SLC35F1: variants seen among roughly 807,000 people sequenced by gnomAD.
The protein encoded by SLC35F1 is chromosome 6 open reading frame 169.
SLC35F1 carries 14 observed loss-of-function variants against 48.7 expected under a neutral mutation model. The observed-to-expected ratio is 0.29, with a 90% confidence interval of 0.19 to 0.45. The LOEUF is 0.45. Among genes scored for constraint, SLC35F1 ranks in the 20% least tolerant of loss-of-function variants. The probability of loss-of-function intolerance (pLI) is 1.00; values close to 1 mark genes in which losing one functional copy is unlikely to be tolerated. For synonymous variants in SLC35F1, 190 were observed against 202.2 expected (o/e 0.94, Z 0.51); for missense variants, 404 against 500.0 (o/e 0.81, Z 1.83).
chr6:118,161,346 T>A (rs1774230161), intron 2 of SLC35F1, among the ~76,000 whole-genome samples: 1 of 151,978 alleles, frequency 6.6e-6, no homozygotes, highest in African/African-American at 2.4e-5. Context: ...GACCTAGGAT[T>A]TTCTCAGAGC....
intron 1 of SLC35F1, among the ~76,000 whole-genome samples, chr6:118,051,887 T>C (rs557252662): frequency 8.5e-5 from 13 of 152,300 alleles, no homozygotes; most frequent in African/African-American, 3.1e-4. Flanking sequence ...CTTAATACAG[T>C]GCCAGAAGAA....
intron 2 of SLC35F1, among the ~76,000 whole-genome samples, chr6:118,156,230 G>A (rs1374030811): frequency 2.7e-5 from 4 of 150,782 alleles, no homozygotes; most frequent in African/African-American, 9.7e-5. Context: ...TTATCTAAGT[G>A]TCAAAAAAAA....
chr6:118,162,766 C>T (rs535890266), intron 2 of SLC35F1, among the ~76,000 whole-genome samples: 6 of 152,236 alleles, frequency 3.9e-5, no homozygotes, highest in Non-Finnish European at 7.4e-5. Flanking sequence ...CATCAAGGAA[C>T]TTGCTAGTGT....
chr6:117,960,508 T>G (rs1276705007), intron 1 of SLC35F1, among the ~76,000 whole-genome samples: 1 of 152,088 alleles, frequency 6.6e-6, no homozygotes, highest in East Asian at 1.9e-4. Flanking sequence ...ATGTATTTCA[T>G]GTTAAAATAA....
At chr6:117,912,863 A>G (rs992710276) in intron 1 of SLC35F1, among the ~76,000 whole-genome samples, 2 of 152,210 alleles carry the variant, frequency 1.3e-5, no homozygotes, top group Non-Finnish European at 2.9e-5. Context: ...ATTAACGTGT[A>G]TTAAAATATA....
chr6:118,032,801 T>C (rs1387662685), intron 1 of SLC35F1, among the ~76,000 whole-genome samples: 1 of 152,246 alleles, frequency 6.6e-6, no homozygotes, highest in Admixed American at 6.5e-5. Flanking sequence ...ACTTATTTAA[T>C]ACCTTTCATG....
intron 1 of SLC35F1, among the ~76,000 whole-genome samples, chr6:117,912,078 C>T (rs979003695): frequency 3.5e-4 from 54 of 152,128 alleles, no homozygotes; most frequent in African/African-American, 1.2e-3. Context: ...TGTTTTGATA[C>T]ACTTTCTTCC....
At chr6:118,071,025 T>A (rs373999274) in intron 1 of SLC35F1, among the ~76,000 whole-genome samples, 6 of 38,824 alleles carry the variant, frequency 1.5e-4, no homozygotes, top group South Asian at 8.3e-4. Context: ...GTATATATAT[T>A]CTACGTGTAT....
At chr6:118,178,044 T>C (rs148560611) in intron 2 of SLC35F1, among the ~76,000 whole-genome samples, 76 of 152,234 alleles carry the variant, frequency 5.0e-4, no homozygotes, top group African/African-American at 1.8e-3. Flanking sequence ...ACTCCTACAA[T>C]AGCAGCTTTC....
intron 2 of SLC35F1, among the ~76,000 whole-genome samples, chr6:118,227,718 AAAAAC>A (rs753809983): frequency 6.6e-5 from 10 of 152,316 alleles, no homozygotes; most frequent in African/African-American, 2.4e-4. Flanking sequence ...TAGGGTGGGC[AAAAAC>A]AAAACAAAAC....
chr6:118,129,861 A>G (rs1271049424), intron 1 of SLC35F1, among the ~76,000 whole-genome samples: 1 of 152,200 alleles, frequency 6.6e-6, no homozygotes, highest in South Asian at 2.1e-4. Context: ...GACAGAAAAT[A>G]GTAGCTGTAA....
intron 1 of SLC35F1, among the ~76,000 whole-genome samples, chr6:117,938,476 C>T (rs887708861): frequency 3.9e-5 from 6 of 152,194 alleles, no homozygotes; most frequent in African/African-American, 9.7e-5. Flanking sequence ...TCAGGAACCC[C>T]CTGTGCTGCC....
At chr6:117,930,030 C>T (rs1400130044) in intron 1 of SLC35F1, among the ~76,000 whole-genome samples, 1 of 152,152 alleles carries the variant, frequency 6.6e-6, no homozygotes, top group Non-Finnish European at 1.5e-5. Context: ...CTAAATTGCC[C>T]AAAGTCACAT....
chr6:118,292,687 G>GT (rs11307519), intron 7 of SLC35F1, among the ~76,000 whole-genome samples: 67 of 144,952 alleles, frequency 4.6e-4, no homozygotes, highest in Middle Eastern at 3.7e-3. Flanking sequence ...TTATTTGGTT[G>GT]TTTTTTTTTT....
chr6:118,019,110 G>A (rs1777359597), intron 1 of SLC35F1, among the ~76,000 whole-genome samples: 1 of 151,966 alleles, frequency 6.6e-6, no homozygotes, highest in Admixed American at 6.6e-5. Flanking sequence ...TTTATAATAT[G>A]ATTTTCATAA....
intron 6 of SLC35F1, among the ~76,000 whole-genome samples, chr6:118,281,890 C>G (rs961681927): frequency 9.2e-5 from 14 of 152,328 alleles, no homozygotes; most frequent in Non-Finnish European, 2.1e-4. Flanking sequence ...ATCAGCATTA[C>G]ACTGTTGTGG....
chr6:118,286,192 G>C (rs1385964026), intron 7 of SLC35F1, among the ~76,000 whole-genome samples: 1 of 152,108 alleles, frequency 6.6e-6, no homozygotes, highest in Non-Finnish European at 1.5e-5. Context: ...ACCAAACTTG[G>C]ATAGCTGAAA....
At chr6:118,258,238 A>G (rs944788504) in intron 3 of SLC35F1, among the ~76,000 whole-genome samples, 2 of 152,164 alleles carry the variant, frequency 1.3e-5, no homozygotes, top group Admixed American at 6.5e-5. Flanking sequence ...ACAGTAGGCT[A>G]AAGTCTAACA....
intron 1 of SLC35F1, among the ~76,000 whole-genome samples, chr6:118,101,210 A>G (rs1773253142): frequency 6.6e-6 from 1 of 152,212 alleles, no homozygotes; most frequent in Non-Finnish European, 1.5e-5. Context: ...ACACTGGGGA[A>G]GAGAGTGTCT....
Sources: gnomAD v4.1 joint callset for allele counts (sites outside exome capture counted in the v4.1 genomes callset) on GRCh38, gnomAD v4.1.1 for gene constraint, MANE v1.5 for transcripts, NCBI Gene and HGNC (gene_info 2026-07-23, HGNC 2026-07-21) for gene names.